Variants in QSER1 observed in about 807,000 individuals in gnomAD.
The protein encoded by QSER1 is glutamine and serine rich 1, also known as glutamine and serine-rich protein 1.
Under a neutral mutation model 158.5 loss-of-function variants are expected in QSER1, and 49 were observed. The observed-to-expected ratio is 0.31, with a 90% CI of 0.25 to 0.39. The LOEUF (loss-of-function observed/expected upper bound fraction) is 0.39. QSER1 is among the 10% of genes least tolerant of loss of function. QSER1 has a pLI of 1.00. For missense variants in QSER1, 1,754 were observed against 2,010.3 expected, an observed-to-expected ratio of 0.87 and a Z score of 2.44; for synonymous variants, 650 against 715.5, an observed-to-expected ratio of 0.91 and a Z score of 1.46.
chr11:32,971,648 C>T (rs1032773242), intron 10 of QSER1, among the ~76,000 whole-genome samples: 11 of 152,140 alleles, frequency 7.2e-5, no homozygotes, highest in Non-Finnish European at 1.6e-4. Context: ...GAACGAAGCT[C>T]GAACGTGATG....
intron 1 of QSER1, among the ~76,000 whole-genome samples, chr11:32,920,101 C>T (rs1424028254): frequency 2.0e-5 from 3 of 152,046 alleles, no homozygotes; most frequent in South Asian, 2.1e-4. Context: ...GAGAATGGTA[C>T]GAGAAACCAA....
chr11:32,910,000 G>C (rs1012944301), intron 1 of QSER1, among the ~76,000 whole-genome samples: 2 of 152,140 alleles, frequency 1.3e-5, no homozygotes, highest in Non-Finnish European at 2.9e-5. Context: ...ATGAAATCCA[G>C]ACTCATTGTG....
At chr11:32,972,685 C>T (rs1056914395) in intron 10 of QSER1, among the ~76,000 whole-genome samples, 4 of 152,084 alleles carry the variant, frequency 2.6e-5, no homozygotes, top group African/African-American at 9.7e-5. Context: ...ATTTGCCCAC[C>T]TTGGCCTCCC....
intron 1 of QSER1, among the ~76,000 whole-genome samples, chr11:32,898,531 T>C (rs554918871): frequency 2.1e-5 from 3 of 141,042 alleles, no homozygotes; most frequent in African/African-American, 7.8e-5. Context: ...CACACACACA[T>C]TGTAATGTGC....
rs746170957 is a variant in QSER1 at position 32,934,384 on chromosome 11, A to C, written c.3126A>C (p.Pro1042=). ...FNSMTATVGK[P]QNINDTSLNG... The stretch of plus-strand genomic sequence containing the variant: ...CTATGACAGCTACAGTAGGAAAGCC[A>C]CAGAATATAAATGATACTTCCTTAA... Residue 1042 remains proline, a synonymous_variant, in exon 4 of 13, where the codon CCA becomes CCC. Coordinates refer to ENST00000650167, the MANE Select transcript of QSER1 (RefSeq NM_001076786.3). 3.7e-6 allele frequency: 6 copies of C among 1,613,818 alleles called. No homozygotes were observed. The highest frequency in any genetic ancestry group is 5.1e-6 in the Non-Finnish European group (6 of 1,179,922).
chr11:32,963,451 A>C (rs1852665691), intron 8 of QSER1, among the ~76,000 whole-genome samples: 1 of 152,150 alleles, frequency 6.6e-6, no homozygotes, highest in Non-Finnish European at 1.5e-5. Flanking sequence ...TCCCAGGTTC[A>C]AGCGATTCTC....
chr11:32,950,678 TC>T (rs1852407143), intron 4 of QSER1, among the ~76,000 whole-genome samples: 1 of 152,200 alleles, frequency 6.6e-6, no homozygotes, highest in Non-Finnish European at 1.5e-5. Context: ...AGGAGTCCAT[TC>T]CCATACCCAC....
chr11:32,945,364 G>A (rs1025029189), intron 4 of QSER1, among the ~76,000 whole-genome samples: 1 of 151,902 alleles, frequency 6.6e-6, no homozygotes, highest in South Asian at 2.1e-4. Context: ...TGATTTTGCA[G>A]CGGCTGGTAC....
chr11:32,960,424 T>C (rs1305855831), intron 8 of QSER1, among the ~76,000 whole-genome samples: 1 of 151,908 alleles, frequency 6.6e-6, no homozygotes, highest in Non-Finnish European at 1.5e-5. Context: ...CCAGGTGTGG[T>C]GGCAGGCACC....
At chr11:32,907,137 A>C (rs897222951) in intron 1 of QSER1, among the ~76,000 whole-genome samples, 1 of 152,222 alleles carries the variant, frequency 6.6e-6, no homozygotes, top group African/African-American at 2.4e-5. Context: ...ATTTGTGGAC[A>C]TTTCCTTAGG....
intron 1 of QSER1, among the ~76,000 whole-genome samples, chr11:32,902,088 C>T (rs985477891): frequency 1.3e-5 from 2 of 152,140 alleles, no homozygotes; most frequent in Non-Finnish European, 2.9e-5. Context: ...GTCTCAAAAA[C>T]ACAACAAAAA....
chr11:32,932,571 A>T lies in QSER1; in HGVS notation c.1313A>T (p.Tyr438Phe). 1 of 1,614,162 alleles carries T rather than the reference A, an allele frequency of 6.2e-7. No individual in the cohort carries two copies. Among genetic ancestry groups the T allele is most frequent in the African/African-American group, 1.3e-5 (1 of 75,060 alleles). Residue 438 changes from tyrosine (Y) to phenylalanine (F), a missense_variant, in exon 4 of 13, where the codon TAT becomes TTT. Tyr to Phe is a conservative substitution (Grantham distance 22, BLOSUM62 3). Transcript: ENST00000650167. The stretch of plus-strand genomic sequence containing the variant: ...ATTCCTCCTGTGCAAACACTAAGCT[A>T]TTCCAAACCTTTACATAATCAGAGT... ...SIIPPVQTLS[Y>F]SKPLHNQSSV...
At chr11:32,910,070 C>T (rs1356059129) in intron 1 of QSER1, among the ~76,000 whole-genome samples, 1 of 152,174 alleles carries the variant, frequency 6.6e-6, no homozygotes, top group Non-Finnish European at 1.5e-5. Flanking sequence ...TCCTACTGCT[C>T]ACCCACTTCC....
Position 32,933,531 on chromosome 11 carries a change from C to CA in QSER1, c.2280dup (p.Glu761ArgfsTer12), listed in dbSNP as rs1419591322. 1 of 1,611,732 alleles carries CA rather than the reference C, an allele frequency of 6.2e-7. No homozygotes were observed. Among genetic ancestry groups the CA allele is most frequent in the Non-Finnish European group, 8.5e-7 (1 of 1,179,344 alleles). On this transcript the variant is annotated frameshift_variant, in exon 4 of 13. Transcript: ENST00000650167. LOFTEE classifies it high-confidence loss of function. ...GTTATTGGGGTTGCTCTGCAAGCATCAAAAAAAGAAGAAAGTGTTGTTGGT... is the reference window on the plus strand; with the variant it reads ...GTTATTGGGGTTGCTCTGCAAGCATCAAAAAAAAGAAGAAAGTGTTGTTGGT...
At chr11:32,964,729 TATATATATATACACACACAC>T (rs1852698058) in intron 8 of QSER1, among the ~76,000 whole-genome samples, 1 of 115,084 alleles carries the variant, frequency 8.7e-6, no homozygotes, top group Non-Finnish European at 1.8e-5. Context: ...TATATATATA[TATATATATATACACACACAC>T]ACACACACAC....
In QSER1 at chr11:32,934,009, T is replaced by G; in HGVS notation, c.2751T>G (p.Pro917=). 6.2e-7 allele frequency: 1 copy of G among 1,613,688 alleles called. No individual in the cohort carries two copies. The highest frequency in any genetic ancestry group is 8.5e-7 in the Non-Finnish European group (1 of 1,179,882). Residue 917 remains proline, a synonymous_variant, in exon 4 of 13, where the codon CCT becomes CCG. Transcript: ENST00000650167. ...ATCATTCTCAGCAGCAACTCCATCC[T>G]CAAAATTCTGAAGTTATGAAAATGG... The part of the protein sequence containing the change: ...NGDHSQQQLH[P]QNSEVMKMDL...
rs372285778 is a variant in QSER1, at chr11:32,932,292, T to C, written c.1034T>C (p.Leu345Pro). Residue 345 changes from leucine to proline, a missense_variant, in exon 4 of 13, where the codon CTA (leucine) becomes CCA (proline). Coordinates refer to ENST00000650167, the MANE Select transcript of QSER1 (RefSeq NM_001076786.3). ...TGSQHSLHSY[L>P]SNSSVVNFQE... ...TCACAGCACTCCTTACATAGTTATC[T>C]ATCAAATTCAAGTGTAGTTAATTTT... 6 of 1,613,810 alleles carry C rather than the reference T, an allele frequency of 3.7e-6. No individual in the cohort carries two copies. In the African/African-American group the frequency reaches 8.0e-5, roughly 22 times the overall value.
intron 4 of QSER1, among the ~76,000 whole-genome samples, chr11:32,937,063 G>A (rs10767973): frequency 0.82 from 124,953 of 152,096 alleles, 51,748 homozygotes; most frequent in East Asian, 0.99. Context: ...TTCCCAGAAT[G>A]AACCTTTTGA....
chr11:32,954,627 T>G (rs1852480488), intron 5 of QSER1, among the ~76,000 whole-genome samples: 1 of 152,266 alleles, frequency 6.6e-6, no homozygotes, highest in Non-Finnish European at 1.5e-5. Flanking sequence ...AAGTTGTAGC[T>G]GTGTTTAAAA....
Sources: allele counts gnomAD v4.1 joint callset (sites outside exome capture counted in the v4.1 genomes callset), GRCh38; gene constraint gnomAD v4.1.1; transcripts MANE v1.5; gene names NCBI Gene and HGNC (gene_info 2026-07-23, HGNC 2026-07-21).